The following KIF6 variants were observed in gnomAD, a reference collection of about 807,000 sequenced individuals.
KIF6 encodes the protein kinesin family member 6, also known as kinesin-like protein KIF6.
In KIF6, 106 loss-of-function variants were observed where a neutral mutation model predicts 112.7. That is an observed-to-expected ratio of 0.94 (90% confidence interval 0.80 to 1.11). The LOEUF (loss-of-function observed/expected upper bound fraction) is 1.11, where lower values mean the gene tolerates loss of function less well. Ranked by LOEUF, KIF6 falls within the 50% of genes least tolerant of loss-of-function variation. The pLI, the probability that KIF6 is intolerant of heterozygous loss-of-function variation, is 0.00. For synonymous variants in KIF6, 339 were observed against 339.9 expected (o/e 1.00, Z 0.03); for missense variants, 929 against 964.0 (o/e 0.96, Z 0.48).
At chr6:39,590,858 A>C (rs181039832) in intron 7 of KIF6, among the ~76,000 whole-genome samples, 6 of 152,336 alleles carry the variant, frequency 3.9e-5, no homozygotes, top group African/African-American at 1.4e-4. Context: ...TTATTGGTTC[A>C]TGTGATTGAA....
intron 13 of KIF6, among the ~76,000 whole-genome samples, chr6:39,522,208 G>A (rs1777438773): frequency 6.6e-6 from 1 of 152,232 alleles, no homozygotes; most frequent in Admixed American, 6.5e-5. Flanking sequence ...AGGGGCCAGA[G>A]ACAGTGTTGG....
In KIF6 at chr6:39,506,562, CT is replaced by C. The variant is rs1365071683; in HGVS notation, c.1645+33440del. Among the ~76,000 whole-genome samples the C allele has an allele frequency of 3.9e-5, 6 of 152,274 alleles. No homozygotes were observed. The East Asian group carries it at 9.6e-4, about 24-fold the overall frequency. ...CCAAATGTATATTTGGTCTCTGCCC[CT>C]GGTTCCTGACACAGAGCTCCTAAAA... is the stretch of plus-strand genomic sequence containing the variant. On this transcript the variant is annotated intron_variant, in intron 13 of 22. Transcript: ENST00000287152.
chr6:39,415,915 T>C (rs368691189), intron 15 of KIF6, among the ~76,000 whole-genome samples: 4 of 152,350 alleles, frequency 2.6e-5, no homozygotes, highest in South Asian at 4.1e-4. Flanking sequence ...TGCTAGCTTT[T>C]CTAGTGTTTG....
At chr6:39,686,344 C>T (rs1452297754) in intron 3 of KIF6, among the ~76,000 whole-genome samples, 1 of 152,128 alleles carries the variant, frequency 6.6e-6, no homozygotes, top group Non-Finnish European at 1.5e-5. Context: ...TGAAAATGCA[C>T]TTAAAATTTA....
At chr6:39,395,200 C>A (rs1290363080) in intron 15 of KIF6, among the ~76,000 whole-genome samples, 1 of 152,216 alleles carries the variant, frequency 6.6e-6, no homozygotes, top group African/African-American at 2.4e-5. Context: ...AAGATTAGCA[C>A]GTTCTGCCTG....
At chr6:39,603,979 G>A (rs1317539098) in intron 6 of KIF6, among the ~76,000 whole-genome samples, 1 of 151,918 alleles carries the variant, frequency 6.6e-6, no homozygotes, top group Non-Finnish European at 1.5e-5. Flanking sequence ...ATCTCTTTTC[G>A]ATTGAACAGG....
At chr6:39,483,465 C>T (rs998859772) in intron 13 of KIF6, among the ~76,000 whole-genome samples, 2 of 152,176 alleles carry the variant, frequency 1.3e-5, no homozygotes, top group African/African-American at 2.4e-5. Flanking sequence ...GATTTCCCAC[C>T]TGACACATCA....
chr6:39,362,824 C>T (rs112897169), intron 16 of KIF6, among the ~76,000 whole-genome samples: 12 of 152,256 alleles, frequency 7.9e-5, no homozygotes, highest in South Asian at 2.1e-4. Context: ...CCAGGGAAGA[C>T]GCAAAATAGC....
At chr6:39,428,728 G>A (rs528749514) in intron 14 of KIF6, among the ~76,000 whole-genome samples, 1 of 152,272 alleles carries the variant, frequency 6.6e-6, no homozygotes, top group African/African-American at 2.4e-5. Context: ...TTTGCTTTCT[G>A]TGGATCTATT....
chr6:39,562,498 A>G (rs548913941), intron 10 of KIF6, among the ~76,000 whole-genome samples: 1 of 152,304 alleles, frequency 6.6e-6, no homozygotes, highest in South Asian at 2.1e-4. Context: ...ACGCACACCA[A>G]TTCTAGAATA....
chr6:39,622,588 G>T (rs1464453720), intron 5 of KIF6, among the ~76,000 whole-genome samples: 1 of 152,120 alleles, frequency 6.6e-6, no homozygotes, highest in Non-Finnish European at 1.5e-5. Context: ...GCCTGTATGG[G>T]ATCTGTCCTC....
chr6:39,544,634 G>A lies in KIF6; in HGVS notation c.1347C>T (p.Asp449=). The A allele has an allele frequency of 6.2e-7, 1 of 1,611,968 alleles. No homozygotes were observed. The highest frequency in any genetic ancestry group is 1.3e-5 in the African/African-American group (1 of 74,880). Residue 449 remains aspartate (D), a synonymous_variant, in exon 12 of 23, where the codon GAC becomes GAT. Coordinates refer to ENST00000287152, the MANE Select transcript of KIF6 (RefSeq NM_145027.6). The part of the protein sequence containing the change: ...ENNTVSSESK[D]QDCQEPLKEE... ...CTTTTAATGGTTCTTGACAATCTTG[G>A]TCTTTGCTTTCAGAGGAGACTGTAT...
At chr6:39,507,454 A>T (rs990441177) in intron 13 of KIF6, among the ~76,000 whole-genome samples, 8 of 152,226 alleles carry the variant, frequency 5.3e-5, no homozygotes, top group African/African-American at 1.7e-4. Context: ...TGACCTTCCT[A>T]ATAGGCCTAA....
At chr6:39,339,308 C>T (rs1763196276) in intron 22 of KIF6, among the ~76,000 whole-genome samples, 1 of 152,088 alleles carries the variant, frequency 6.6e-6, no homozygotes, top group African/African-American at 2.4e-5. Context: ...AGAGCCTGGG[C>T]AAGGGTGGAA....
At chr6:39,381,234 C>T (rs990112033) in intron 16 of KIF6, among the ~76,000 whole-genome samples, 2 of 152,144 alleles carry the variant, frequency 1.3e-5, no homozygotes, top group Admixed American at 6.5e-5. Context: ...CCCTTCCCCA[C>T]GACAAACCCA....
intron 3 of KIF6, among the ~76,000 whole-genome samples, chr6:39,656,968 C>T (rs960801251): frequency 2.0e-5 from 3 of 152,104 alleles, no homozygotes; most frequent in East Asian, 1.9e-4. Context: ...TGGTGGCTCA[C>T]GCCTATAATC....
intron 9 of KIF6, chr6:39,583,618 G>GTT: frequency 8.2e-6 from 2 of 243,718 alleles, no homozygotes; most frequent in Admixed American, 4.8e-5. Flanking sequence ...TAATTTGTTG[G>GTT]TTTTTTTTTG....
intron 13 of KIF6, among the ~76,000 whole-genome samples, chr6:39,538,997 C>T (rs927666349): frequency 2.1e-5 from 3 of 144,626 alleles, no homozygotes; most frequent in African/African-American, 7.7e-5. Context: ...TGTTCTCACT[C>T]ATAGGTGGGA....
intron 13 of KIF6, among the ~76,000 whole-genome samples, chr6:39,534,237 G>T (rs1230302309): frequency 5.9e-5 from 9 of 152,112 alleles, no homozygotes; most frequent in African/African-American, 2.2e-4. Context: ...GTTGAGAGAA[G>T]AAGGCTTCAG....
Sources: allele counts gnomAD v4.1 joint callset (sites outside exome capture counted in the v4.1 genomes callset), GRCh38; gene constraint gnomAD v4.1.1; transcripts MANE v1.5; gene names NCBI Gene and HGNC (gene_info 2026-07-23, HGNC 2026-07-21).